Variants in NRG3 observed in about 807,000 individuals in gnomAD.
NRG3 encodes neuregulin 3.
In NRG3, 31 loss-of-function variants were observed where a neutral mutation model predicts 66.9. The ratio of observed to expected loss-of-function variants is 0.46; its 90% CI spans 0.35 to 0.63. The LOEUF (loss-of-function observed/expected upper bound fraction) is 0.63, where lower values mean the gene tolerates loss of function less well. Among genes scored for constraint, NRG3 ranks in the 20% least tolerant of loss-of-function variants. The pLI, the probability that NRG3 is intolerant of heterozygous loss-of-function variation, is 0.00. For synonymous variants in NRG3, 393 were observed against 359.4 expected, an observed-to-expected ratio of 1.09 and a Z score of -1.06; for missense variants, 910 against 878.9, an observed-to-expected ratio of 1.04 and a Z score of -0.45.
chr10:82,612,090 C>A (rs2048351622), intron 2 of NRG3, among the ~76,000 whole-genome samples: 1 of 151,988 alleles, frequency 6.6e-6, no homozygotes, highest in African/African-American at 2.4e-5. Flanking sequence ...CTGTTCATAT[C>A]CTTTGCCCAC....
intron 3 of NRG3, among the ~76,000 whole-genome samples, chr10:82,815,090 G>A (rs1222539845): frequency 6.6e-6 from 1 of 152,330 alleles, no homozygotes; most frequent in Non-Finnish European, 1.5e-5. Context: ...CTGGTTTAAA[G>A]AAGTATCTTC....
intron 2 of NRG3, among the ~76,000 whole-genome samples, chr10:82,674,984 G>C (rs1029717005): frequency 7.2e-6 from 1 of 139,296 alleles, no homozygotes; most frequent in African/African-American, 3.2e-5. Context: ...TTTTGAGACG[G>C]AACCTCACTG....
At position 81,944,853 on chromosome 10, in the gene NRG3, GTAC is replaced by G. The variant is rs551591828; in HGVS notation, c.823+68692_823+68694del. Among the ~76,000 whole-genome samples the G allele has an allele frequency of 2.2e-3, 336 of 152,202 alleles. 1 individual carries two copies. The highest frequency in any genetic ancestry group is 0.01 in the Middle Eastern group (3 of 294). ...AAAACTGGAAATCTGTTTACCACAA[GTAC>G]TGTGATATAAAGGCAAAATCCCTCA... is the stretch of plus-strand genomic sequence containing the variant. On this transcript the variant is annotated intron_variant, in intron 1 of 8. Coordinates refer to ENST00000372141, the MANE Select transcript of NRG3 (RefSeq NM_001010848.4).
At chr10:82,867,730 G>A (rs1366036887) in intron 4 of NRG3, among the ~76,000 whole-genome samples, 1 of 152,190 alleles carries the variant, frequency 6.6e-6, no homozygotes, top group East Asian at 1.9e-4. Flanking sequence ...GAATGTGGAT[G>A]AGCAATTTCA....
intron 1 of NRG3, among the ~76,000 whole-genome samples, chr10:81,908,200 G>A (rs1024203320): frequency 6.6e-6 from 1 of 152,126 alleles, no homozygotes; most frequent in Non-Finnish European, 1.5e-5. Flanking sequence ...CATCTTAGCA[G>A]TAGAAACATT....
chr10:82,661,484 G>A (rs1448621085), intron 2 of NRG3, among the ~76,000 whole-genome samples: 4 of 152,032 alleles, frequency 2.6e-5, no homozygotes, highest in African/African-American at 4.8e-5. Flanking sequence ...AGAGGCATAT[G>A]TTTTAAGTAA....
chr10:82,360,433 A>G (rs983152236), intron 2 of NRG3, among the ~76,000 whole-genome samples: 1 of 152,232 alleles, frequency 6.6e-6, no homozygotes, highest in Non-Finnish European at 1.5e-5. Context: ...CAATTGAAGA[A>G]GGGATGAATC....
chr10:82,374,085 T>C (rs772583902), intron 2 of NRG3, among the ~76,000 whole-genome samples: 4 of 152,184 alleles, frequency 2.6e-5, no homozygotes, highest in African/African-American at 7.2e-5. Flanking sequence ...AAAAATACGC[T>C]AAATACCTAC....
At chr10:82,938,914 G>C (rs1848327616) in intron 4 of NRG3, among the ~76,000 whole-genome samples, 1 of 152,158 alleles carries the variant, frequency 6.6e-6, no homozygotes, top group Admixed American at 6.5e-5. Context: ...TAAGGAGTGG[G>C]GGACAGCTAT....
chr10:82,271,520 T>C (rs777806053), intron 1 of NRG3, among the ~76,000 whole-genome samples: 1 of 152,092 alleles, frequency 6.6e-6, no homozygotes, highest in Non-Finnish European at 1.5e-5. Context: ...GTGTTAAAAC[T>C]CTTTGCCTCT....
intron 1 of NRG3, among the ~76,000 whole-genome samples, chr10:82,161,419 G>A (rs1161962262): frequency 1.3e-5 from 2 of 151,974 alleles, no homozygotes; most frequent in African/African-American, 4.8e-5. Context: ...CCGACTATGG[G>A]GCAAGTGGTC....
At chr10:82,982,887 T>C (rs1317577143) in intron 8 of NRG3, among the ~76,000 whole-genome samples, 1 of 152,228 alleles carries the variant, frequency 6.6e-6, no homozygotes, top group Non-Finnish European at 1.5e-5. Context: ...GACTTGGGAA[T>C]TGACATCTAA....
At chr10:82,649,500 T>G (rs1197156440) in intron 2 of NRG3, among the ~76,000 whole-genome samples, 1 of 145,384 alleles carries the variant, frequency 6.9e-6, no homozygotes, top group Non-Finnish European at 1.5e-5. Context: ...AGACAGAGTC[T>G]TGCTCTGTGG....
rs1660561753 is a variant in NRG3, at chr10:82,941,977, C to G, written c.1055-9492C>G. Reference sequence around the variant, plus strand: ...GGTTTCCAGGTGAAACTTTTGCTTACTTATATGACATATAGGTTTGTGTGT... The same window carrying G: ...GGTTTCCAGGTGAAACTTTTGCTTAGTTATATGACATATAGGTTTGTGTGT... On this transcript the variant is annotated intron_variant, in intron 4 of 8. Transcript: ENST00000372141. Among the ~76,000 whole-genome samples the G allele has an allele frequency of 3.5e-5, 5 of 144,896 alleles. No individual in the cohort carries two copies. The South Asian group carries it at 1.2e-3, about 34-fold the overall frequency.
chr10:82,358,905 CGT>C (rs1564836186), intron 2 of NRG3, 37 bp downstream of exon 2: 1 of 1,613,240 alleles, frequency 6.2e-7, no homozygotes, highest in Non-Finnish European at 8.5e-7. Context: ...AGGGCAGGCC[CGT>C]TGCAAGGCGT....
intron 1 of NRG3, among the ~76,000 whole-genome samples, chr10:82,346,012 A>G (rs932799584): frequency 1.8e-4 from 28 of 152,130 alleles, no homozygotes; most frequent in Non-Finnish European, 4.1e-4. Context: ...ATCTGCAAAC[A>G]GGGACAATTT....
chr10:82,668,679 T>C (rs1311599986), intron 2 of NRG3, among the ~76,000 whole-genome samples: 1 of 152,174 alleles, frequency 6.6e-6, no homozygotes, highest in Non-Finnish European at 1.5e-5. Flanking sequence ...TGAGAAGCGT[T>C]CTGAGCCTCC....
rs376625650 is a variant in NRG3 at position 82,124,791 on chromosome 10, A to G, written c.824-233948A>G. Among the ~76,000 whole-genome samples the G allele has an allele frequency of 3.3e-5, 5 of 152,088 alleles. No homozygotes were observed. The East Asian group carries it at 5.8e-4, about 18-fold the overall frequency. ...ATATATGTTTTCTAAGGAAAAAAAT[A>G]CCACAGTATAATCTGTTGCTTTCTT... is the stretch of plus-strand genomic sequence containing the variant. On this transcript the variant is annotated intron_variant, in intron 1 of 8. Coordinates refer to ENST00000372141, the MANE Select transcript of NRG3 (RefSeq NM_001010848.4).
chr10:82,141,677 G>A (rs2069792612), intron 1 of NRG3, among the ~76,000 whole-genome samples: 1 of 152,058 alleles, frequency 6.6e-6, no homozygotes, highest in Non-Finnish European at 1.5e-5. Flanking sequence ...TTAAAAAGTT[G>A]TATTATTCTG....
Sources: allele counts gnomAD v4.1 joint callset (sites outside exome capture counted in the v4.1 genomes callset), GRCh38; gene constraint gnomAD v4.1.1; transcripts MANE v1.5; gene names NCBI Gene and HGNC (gene_info 2026-07-23, HGNC 2026-07-21).